The following PLEK variants were observed in gnomAD, a reference collection of about 807,000 sequenced individuals.
PLEK encodes pleckstrin.
In PLEK, 25 loss-of-function variants were observed where a neutral mutation model predicts 43.9. That is an observed-to-expected ratio of 0.57 (90% CI 0.41 to 0.79). The LOEUF is 0.79. Among genes scored for constraint, PLEK ranks in the 30% least tolerant of loss-of-function variants. PLEK has a pLI of 0.00. For synonymous variants in PLEK, 152 were observed against 144.4 expected, an observed-to-expected ratio of 1.05 and a Z score of -0.38; for missense variants, 396 against 413.3, an observed-to-expected ratio of 0.96 and a Z score of 0.36.
At chr2:68,368,884 C>T (rs1337874445) in intron 1 of PLEK, among the ~76,000 whole-genome samples, 1 of 152,076 alleles carries the variant, frequency 6.6e-6, no homozygotes, top group Non-Finnish European at 1.5e-5. Flanking sequence ...ATTTGGATGT[C>T]CTTTGAGGCT....
rs1673969628 is a variant in PLEK, at chr2:68,396,725, G to A, written c.*909G>A. The A allele has an allele frequency of 6.6e-6, 1 of 151,940 alleles. No individual in the cohort carries two copies. Among genetic ancestry groups the A allele is most frequent in the Non-Finnish European group, 1.5e-5 (1 of 68,000 alleles). The allele number at this position is 151,940 out of a possible 1,614,324, so 9.4% of individuals were successfully genotyped here. ...TGAGGTTTACAGAAAAAAAAAAGTG[G>A]CCAGATGTGTTCCCCCCATGGGTGA... On this transcript the variant is annotated 3_prime_UTR_variant, in exon 9 of 9. Transcript: ENST00000234313.
intron 1 of PLEK, among the ~76,000 whole-genome samples, chr2:68,365,758 T>C (rs1673257508): frequency 1.3e-5 from 2 of 152,182 alleles, no homozygotes; most frequent in Admixed American, 1.3e-4. Context: ...GACTATTCAT[T>C]TTTTATTTAA....
At chr2:68,367,264 T>TG (rs1182952032) in intron 1 of PLEK, among the ~76,000 whole-genome samples, 5 of 151,828 alleles carry the variant, frequency 3.3e-5, no homozygotes, top group Non-Finnish European at 7.4e-5. Context: ...TTTTTTTTTT[T>TG]TATTCTTCTA....
At chr2:68,395,049 C>T (rs1673938040) in intron 8 of PLEK, among the ~76,000 whole-genome samples, 1 of 152,022 alleles carries the variant, frequency 6.6e-6, no homozygotes, top group Non-Finnish European at 1.5e-5. Context: ...TGTTTTAAAT[C>T]TTGTCACAGT....
intron 1 of PLEK, among the ~76,000 whole-genome samples, chr2:68,379,070 C>G (rs996321463): frequency 2.0e-5 from 3 of 152,040 alleles, no homozygotes; most frequent in Non-Finnish European, 2.9e-5. Flanking sequence ...ACAGGCGGAG[C>G]TTGCAGTGAG....
chr2:68,366,060 C>T (rs1042859722), intron 1 of PLEK, among the ~76,000 whole-genome samples: 10 of 152,052 alleles, frequency 6.6e-5, no homozygotes, highest in Non-Finnish European at 1.3e-4. Context: ...TTTCTTAGTG[C>T]TGTTTGTCTT....
intron 4 of PLEK, among the ~76,000 whole-genome samples, chr2:68,385,370 T>G (rs1673716297): frequency 6.6e-6 from 1 of 152,208 alleles, no homozygotes; most frequent in Admixed American, 6.5e-5. Flanking sequence ...GACCAGAAGA[T>G]TGCTTAAATG....
chr2:68,388,133 C>T, intron 5 of PLEK: 1 of 385,812 alleles, frequency 2.6e-6, no homozygotes, highest in East Asian at 3.8e-5. Context: ...CTTGGGAGAC[C>T]CTCCAGAATA....
rs1027249441 is a variant in PLEK, at chr2:68,377,972, G to A, written c.43-2356G>A. On this transcript the variant is annotated intron_variant, in intron 1 of 8. Transcript: ENST00000234313. ...CAATATGATGGTGAAGTAAGTTCTT[G>A]CCCCCCTGGAACATATAGTTGGGTG... Among the ~76,000 whole-genome samples the A allele has an allele frequency of 3.3e-5, 5 of 152,194 alleles. No homozygotes were observed. In the East Asian group the frequency reaches 5.8e-4, roughly 18 times the overall value.
Position 68,386,953 on chromosome 2 carries a change from GA to G in PLEK, c.657+275del, listed in dbSNP as rs199854408. ...TATAAAAGGATACTACTGTTTACTTGAAAAAAAATTTTTAAAGGACATTTTA... is the reference window on the plus strand; with the variant it reads ...TATAAAAGGATACTACTGTTTACTTGAAAAAAATTTTTAAAGGACATTTTA... On this transcript the variant is annotated intron_variant, in intron 5 of 8. Coordinates refer to ENST00000234313, the MANE Select transcript of PLEK (RefSeq NM_002664.3). Among the ~76,000 whole-genome samples the G allele has an allele frequency of 6.3e-4, 95 of 151,942 alleles. 1 individual carries two copies. The East Asian group carries it at 0.012, about 19-fold the overall frequency.
intron 1 of PLEK, among the ~76,000 whole-genome samples, chr2:68,376,119 A>G (rs1175088804): frequency 1.3e-5 from 2 of 152,190 alleles, no homozygotes; most frequent in East Asian, 3.8e-4. Context: ...GCCACCACTT[A>G]TGACTGCTTT....
intron 1 of PLEK, among the ~76,000 whole-genome samples, chr2:68,372,740 ATG>A (rs1254762954): frequency 6.7e-6 from 1 of 148,962 alleles, no homozygotes; most frequent in Non-Finnish European, 1.5e-5. Flanking sequence ...ATGGATATAT[ATG>A]TGTGTGTGTG....
intron 1 of PLEK, among the ~76,000 whole-genome samples, chr2:68,374,914 C>G (rs1452694750): frequency 3.9e-5 from 6 of 152,084 alleles, no homozygotes; most frequent in Non-Finnish European, 8.8e-5. Context: ...TTATATTATA[C>G]AGTTTACTTA....
chr2:68,372,647 G>T, intron 1 of PLEK, among the ~76,000 whole-genome samples: 1 of 152,046 alleles, frequency 6.6e-6, no homozygotes, highest in East Asian at 1.9e-4. Flanking sequence ...ACATGTACAG[G>T]TTTTGGCATA....
chr2:68,388,839 A>G (rs1301406287), intron 6 of PLEK, among the ~76,000 whole-genome samples: 1 of 152,172 alleles, frequency 6.6e-6, no homozygotes, highest in Non-Finnish European at 1.5e-5. Flanking sequence ...CTTCCATTTT[A>G]CCTGTCCCTC....
chr2:68,384,208 C>T (rs1254267519), intron 4 of PLEK, among the ~76,000 whole-genome samples: 2 of 149,680 alleles, frequency 1.3e-5, no homozygotes, highest in Non-Finnish European at 3.0e-5. Context: ...TCTCCTCCTT[C>T]TTCCTCTTGT....
intron 8 of PLEK, among the ~76,000 whole-genome samples, chr2:68,394,422 A>G (rs549616098): frequency 4.0e-4 from 61 of 152,252 alleles, no homozygotes; most frequent in African/African-American, 1.3e-3. Context: ...AAATACAAAA[A>G]TTAGCTGGGC....
intron 1 of PLEK, among the ~76,000 whole-genome samples, chr2:68,365,936 C>T (rs1270628283): frequency 2.0e-5 from 3 of 152,098 alleles, no homozygotes; most frequent in African/African-American, 7.2e-5. Flanking sequence ...TCTCTTCACT[C>T]ACAATTCTTA....
In PLEK at chr2:68,388,414, A is replaced by C. The variant is rs34338164; in HGVS notation, c.685A>C (p.Asn229His). The change falls in exon 6 of 9, where the codon AAT becomes CAT. Residue 229 changes from asparagine (N) to histidine (H), a missense_variant. Coordinates refer to ENST00000234313, the MANE Select transcript of PLEK (RefSeq NM_002664.3). ...AGACAGTGGGTTCTTCTGTGAAGAGAATTCCAGTGATGATGATGTGATTCT... is the reference window on the plus strand; with the variant it reads ...AGACAGTGGGTTCTTCTGTGAAGAGCATTCCAGTGATGATGATGTGATTCT... Reference protein sequence around the residue: ...FPDSGFFCEENSSDDDVILKE... With the variant: ...FPDSGFFCEEHSSDDDVILKE... The C allele has an allele frequency of 8.6e-3, 13,832 of 1,609,922 alleles. 93 individuals carry two copies. Among genetic ancestry groups the C allele is most frequent in the Non-Finnish European group, 9.6e-3 (11,276 of 1,176,168 alleles).
Sources: gnomAD v4.1 joint callset for allele counts (sites outside exome capture counted in the v4.1 genomes callset) on GRCh38, gnomAD v4.1.1 for gene constraint, MANE v1.5 for transcripts, NCBI Gene and HGNC (gene_info 2026-07-23, HGNC 2026-07-21) for gene names.